The following CBFB variants were observed in gnomAD, a reference collection of about 807,000 sequenced individuals.
CBFB encodes CBF-beta.
Under a neutral mutation model 30.4 loss-of-function variants are expected in CBFB, and 9 were observed. The ratio of observed to expected loss-of-function variants is 0.30; its 90% CI spans 0.18 to 0.52. CBFB has a LOEUF of 0.52. Among genes scored for constraint, CBFB ranks in the 20% least tolerant of loss-of-function variants. The pLI is 0.97. For synonymous variants in CBFB, 94 were observed against 84.0 expected, an observed-to-expected ratio of 1.12 and a Z score of -0.65; for missense variants, 170 against 244.0, an observed-to-expected ratio of 0.70 and a Z score of 2.02.
At chr16:67,034,203 T>C (rs1255624843) in intron 2 of CBFB, among the ~76,000 whole-genome samples, 1 of 152,154 alleles carries the variant, frequency 6.6e-6, no homozygotes, top group African/African-American at 2.4e-5. Flanking sequence ...AGAAAAAATA[T>C]TTATAAGAAG....
intron 3 of CBFB, among the ~76,000 whole-genome samples, chr16:67,055,357 C>CTTTCTTTTTTTTT (rs1484285498): frequency 1.2e-5 from 1 of 81,474 alleles, no homozygotes; most frequent in African/African-American, 5.4e-5. Flanking sequence ...CAGACACTTT[C>CTTTCTTTTTTTTT]TTTTTTTTTT....
chr16:67,100,166 G>A lies in CBFB; in HGVS notation c.*1388G>A. 4.8e-6 allele frequency: 1 copy of A among 210,490 alleles called. No homozygotes were observed. Among genetic ancestry groups the A allele is most frequent in the Middle Eastern group, 1.5e-3 (1 of 664 alleles). The allele number at this position is 210,490 out of a possible 1,614,324, so 13.0% of individuals were successfully genotyped here. ...ATTTATTAAATGTTACTACATTTCT[G>A]AATTTTTGAAAAATGTATTTTATCA... On this transcript the variant is annotated 3_prime_UTR_variant, in exon 6 of 6. Transcript: ENST00000412916.
chr16:67,082,252 C>G lies in CBFB; in HGVS notation c.439C>G (p.Arg147Gly), dbSNP rs1961582722. The G allele has an allele frequency of 3.7e-6, 6 of 1,609,934 alleles. No individual in the cohort carries two copies. The highest frequency in any genetic ancestry group is 5.1e-6 in the Non-Finnish European group (6 of 1,177,146). The change falls in exon 5 of 6, where the codon CGG (arginine) becomes GGG (glycine). Residue 147 changes from arginine (R) to glycine (G), a missense_variant. By Grantham distance (125) the Arg-to-Gly change is moderately radical. Transcript: ENST00000412916. The stretch of plus-strand genomic sequence containing the variant: ...AGCACAACAGGCCTTTGAAGAGGCT[C>G]GGAGAAGGACACGCGAATTTGAAGA... The part of the protein sequence containing the change: ...ALAQQAFEEA[R>G]RRTREFEDRD...
At chr16:67,072,940 T>C (rs1361315923) in intron 4 of CBFB, among the ~76,000 whole-genome samples, 1 of 152,126 alleles carries the variant, frequency 6.6e-6, no homozygotes, top group Non-Finnish European at 1.5e-5. Flanking sequence ...CTTGAATTGC[T>C]GGCTTCAAAC....
At chr16:67,060,479 A>G (rs1466616216) in intron 3 of CBFB, among the ~76,000 whole-genome samples, 1 of 152,156 alleles carries the variant, frequency 6.6e-6, no homozygotes, top group Non-Finnish European at 1.5e-5. Flanking sequence ...GCCCCTGGCA[A>G]CTACTTATCT....
chr16:67,035,602 CA>C (rs1423280609), intron 2 of CBFB, among the ~76,000 whole-genome samples: 1 of 152,138 alleles, frequency 6.6e-6, no homozygotes, highest in African/African-American at 2.4e-5. Flanking sequence ...TGTTAACCAT[CA>C]GGGGAACTAT....
Position 67,064,305 on chromosome 16 carries a change from C to T in CBFB, c.283-2377C>T, listed in dbSNP as rs186064616. On this transcript the variant is annotated intron_variant, in intron 3 of 5. Coordinates refer to ENST00000412916, the MANE Select transcript of CBFB (RefSeq NM_022845.3). ...TACTGCAACCTCTGCCTCCTGGGTT[C>T]AAGCGATTCTCCTGTCTCAGCCTCC... Among the ~76,000 whole-genome samples the T allele has an allele frequency of 2.6e-3, 389 of 152,312 alleles. 2 individuals are homozygous for T. Among genetic ancestry groups the T allele is most frequent in the African/African-American group, 9.0e-3 (375 of 41,560 alleles).
rs1003915862 is a variant in CBFB at position 67,096,503 on chromosome 16, G to A, written c.496-2207G>A. ...TGTATATATATAGTCTCTCTATTAAGTAATTTACCATAAGGGGTTTAAATA... is the reference window on the plus strand; with the variant it reads ...TGTATATATATAGTCTCTCTATTAAATAATTTACCATAAGGGGTTTAAATA... On this transcript the variant is annotated intron_variant, in intron 5 of 5. Transcript: ENST00000412916. Among the ~76,000 whole-genome samples the A allele has an allele frequency of 4.6e-5, 7 of 151,856 alleles. No homozygotes were observed. The East Asian group carries it at 1.2e-3, about 25-fold the overall frequency.
rs569674485 is a variant in CBFB, at chr16:67,051,750, T to A, written c.283-14932T>A. ...TATTATATGATTTTGGTGTTTTTTT[T>A]GTGTTTTTTTTTTTCTGAGTTGGAG... On this transcript the variant is annotated intron_variant, in intron 3 of 5. Coordinates refer to ENST00000412916, the MANE Select transcript of CBFB (RefSeq NM_022845.3). Among the ~76,000 whole-genome samples the A allele has an allele frequency of 2.0e-5, 3 of 149,852 alleles. No homozygotes were observed. In the East Asian group the frequency reaches 5.8e-4, roughly 29 times the overall value.
At chr16:67,039,656 A>G (rs1033746308) in intron 3 of CBFB, among the ~76,000 whole-genome samples, 1 of 152,216 alleles carries the variant, frequency 6.6e-6, no homozygotes, top group African/African-American at 2.4e-5. Context: ...TCTATTAGGA[A>G]GAGTGATAGA....
At chr16:67,034,652 G>T (rs1217154509) in intron 2 of CBFB, among the ~76,000 whole-genome samples, 1 of 152,168 alleles carries the variant, frequency 6.6e-6, no homozygotes, top group Middle Eastern at 3.2e-3. Flanking sequence ...CATCAAGACA[G>T]GAGATGAGGT....
intron 3 of CBFB, among the ~76,000 whole-genome samples, chr16:67,063,185 T>C (rs1156656843): frequency 6.6e-6 from 1 of 152,202 alleles, no homozygotes; most frequent in African/African-American, 2.4e-5. Context: ...TGGTGGAGTT[T>C]TAAATGCACA....
At chr16:67,040,698 G>GTT (rs1231055696) in intron 3 of CBFB, among the ~76,000 whole-genome samples, 1 of 152,158 alleles carries the variant, frequency 6.6e-6, no homozygotes, top group Non-Finnish European at 1.5e-5. Context: ...TACATAATAA[G>GTT]TTATGTAATA....
intron 2 of CBFB, among the ~76,000 whole-genome samples, chr16:67,034,651 A>G (rs1282012016): frequency 2.0e-5 from 3 of 152,192 alleles, no homozygotes; most frequent in Non-Finnish European, 2.9e-5. Context: ...GCATCAAGAC[A>G]GGAGATGAGG....
intron 4 of CBFB, among the ~76,000 whole-genome samples, chr16:67,080,846 G>A (rs551772889): frequency 6.6e-5 from 10 of 152,278 alleles, no homozygotes; most frequent in Non-Finnish European, 7.4e-5. Flanking sequence ...TTATTTTGAT[G>A]AGTAGGATTA....
intron 2 of CBFB, among the ~76,000 whole-genome samples, chr16:67,034,839 G>A (rs1214203890): frequency 6.6e-6 from 1 of 152,150 alleles, no homozygotes; most frequent in Non-Finnish European, 1.5e-5. Flanking sequence ...ATTATCTGAA[G>A]CTGAAAAAGT....
At chr16:67,075,707 C>A (rs1250983504) in intron 4 of CBFB, among the ~76,000 whole-genome samples, 1 of 152,096 alleles carries the variant, frequency 6.6e-6, no homozygotes, top group South Asian at 2.1e-4. Flanking sequence ...TTGTAAACTG[C>A]GCAAATGGCC....
At chr16:67,062,098 T>A (rs572548378) in intron 3 of CBFB, among the ~76,000 whole-genome samples, 1 of 152,298 alleles carries the variant, frequency 6.6e-6, no homozygotes, top group East Asian at 1.9e-4. Flanking sequence ...GATCATTGGT[T>A]TTCTTTGTCA....
At chr16:67,059,493 G>T (rs919908895) in intron 3 of CBFB, among the ~76,000 whole-genome samples, 1 of 152,096 alleles carries the variant, frequency 6.6e-6, no homozygotes, top group African/African-American at 2.4e-5. Flanking sequence ...AATGCACATG[G>T]GCTCAAACAC....
Sources: gnomAD v4.1 joint callset for allele counts (sites outside exome capture counted in the v4.1 genomes callset) on GRCh38, gnomAD v4.1.1 for gene constraint, MANE v1.5 for transcripts, NCBI Gene and HGNC (gene_info 2026-07-23, HGNC 2026-07-21) for gene names.